The following REPS2 variants were observed in gnomAD, a reference collection of about 807,000 sequenced individuals.
REPS2 encodes RALBP1 associated Eps domain containing 2, also known as ralBP1-associated Eps domain-containing protein 2.
A neutral mutation model predicts 53.6 loss-of-function variants in REPS2; 23 were observed. The ratio of observed to expected loss-of-function variants is 0.43; its 90% CI spans 0.31 to 0.61. REPS2 has a LOEUF of 0.61. Ranked by LOEUF, REPS2 falls within the 20% of genes least tolerant of loss-of-function variation. The pLI, the probability that REPS2 is intolerant of heterozygous loss-of-function variation, is 0.11. For synonymous variants in REPS2, 238 were observed against 218.6 expected (o/e 1.09, Z -0.78); for missense variants, 446 against 534.9 (o/e 0.83, Z 1.64).
chrX:17,006,792 C>A (rs981061345), intron 2 of REPS2, among the ~76,000 whole-genome samples: 1 of 111,754 alleles, frequency 8.9e-6, no homozygotes, highest in Non-Finnish European at 1.9e-5. Flanking sequence ...AAGCACTGTT[C>A]TGATGCTAGT....
At chrX:17,046,617 A>C (rs989244561) in intron 5 of REPS2, among the ~76,000 whole-genome samples, 4 of 112,049 alleles carry the variant, frequency 3.6e-5, no homozygotes, top group African/African-American at 1.3e-4. Flanking sequence ...TCGTCTGCCA[A>C]TGCCTACCAT....
intron 16 of REPS2, chrX:17,135,666 T>C (rs897302700): frequency 3.8e-5 from 11 of 288,412 alleles, no homozygotes; most frequent in Non-Finnish European, 6.6e-5. Flanking sequence ...TCCCTTCCTC[T>C]CACCTTCTGT....
Position 17,114,986 on chromosome X carries a change from C to G in REPS2, c.1578+11207C>G, listed in dbSNP as rs556413084. Among the ~76,000 whole-genome samples the G allele has an allele frequency of 2.1e-4, 23 of 111,637 alleles. No individual in the cohort carries two copies. The South Asian group carries it at 8.3e-3, about 40-fold the overall frequency. The stretch of plus-strand genomic sequence containing the variant: ...CAGCTTTGTCTTTCCTCTGGGATTG[C>G]TTTTAAAAGTTTATTTTTACTTTCT... On this transcript the variant is annotated intron_variant, in intron 14 of 17. Transcript: ENST00000357277.
chrX:17,145,897 C>A (rs781577532), intron 17 of REPS2, among the ~76,000 whole-genome samples: 5 of 111,393 alleles, frequency 4.5e-5, no homozygotes, highest in Non-Finnish European at 9.4e-5. Context: ...ATCACGAGGT[C>A]AGGAGATCGA....
intron 1 of REPS2, among the ~76,000 whole-genome samples, chrX:16,988,741 G>A (rs1302536004): frequency 1.8e-5 from 2 of 111,506 alleles, no homozygotes; most frequent in Non-Finnish European, 3.8e-5. Context: ...AAATACTTGG[G>A]TATAAATCTA....
chrX:17,082,858 A>G (rs1456255686), intron 13 of REPS2, among the ~76,000 whole-genome samples: 2 of 111,763 alleles, frequency 1.8e-5, no homozygotes, highest in Non-Finnish European at 3.8e-5. Flanking sequence ...GCCTATTTGT[A>G]TCTTTTTAAT....
intron 1 of REPS2, among the ~76,000 whole-genome samples, chrX:16,956,099 C>T (rs191285798): frequency 9.0e-6 from 1 of 110,762 alleles, no homozygotes; most frequent in East Asian, 2.8e-4. Flanking sequence ...ATGCAAATGC[C>T]CTGCCTGGCT....
chrX:17,113,139 A>G (rs2062998715), intron 14 of REPS2, among the ~76,000 whole-genome samples: 1 of 90,027 alleles, frequency 1.1e-5, no homozygotes, highest in Non-Finnish European at 2.2e-5. Flanking sequence ...AAAAGAGCAC[A>G]CTAGATCCAA....
chrX:17,086,360 C>T (rs2062536162), intron 13 of REPS2, among the ~76,000 whole-genome samples: 1 of 112,255 alleles, frequency 8.9e-6, no homozygotes, highest in South Asian at 3.7e-4. Context: ...TTGGCCTGAT[C>T]CATGTGTTAT....
intron 1 of REPS2, 137 bp from the exon 2 acceptor site, chrX:17,006,084 A>C (rs2061359443): frequency 1.8e-6 from 1 of 563,147 alleles, no homozygotes; most frequent in Non-Finnish European, 2.8e-6. Flanking sequence ...GAAATTGACC[A>C]GTGGGCACAC....
intron 2 of REPS2, among the ~76,000 whole-genome samples, chrX:17,021,265 A>C (rs1247422887): frequency 8.9e-6 from 1 of 112,514 alleles, no homozygotes; most frequent in Non-Finnish European, 1.9e-5. Context: ...GAGAACTAGA[A>C]GTGTGCCAAA....
chrX:16,986,229 A>G (rs957082078), intron 1 of REPS2, among the ~76,000 whole-genome samples: 4 of 111,236 alleles, frequency 3.6e-5, no homozygotes, highest in African/African-American at 9.8e-5. Context: ...GTGTGTTTTT[A>G]TCTGTGCATC....
chrX:16,966,107 AGGGAGAGGGAGACCGTG>A (rs2060764028), intron 1 of REPS2, among the ~76,000 whole-genome samples: 1 of 112,090 alleles, frequency 8.9e-6, no homozygotes, highest in African/African-American at 3.2e-5. Context: ...GTGGAAAGAG[AGGGAGAGGGAGACCGTG>A]GGGAGAGGGA....
chrX:17,062,397 T>C, intron 8 of REPS2, 41 bp from the exon 9 acceptor site: 1 of 970,028 alleles, frequency 1.0e-6, no homozygotes, highest in African/African-American at 1.9e-5. Context: ...TTACTATGGC[T>C]ATAGGAAATA....
intron 5 of REPS2, among the ~76,000 whole-genome samples, chrX:17,046,579 C>T (rs188515345): frequency 3.3e-3 from 371 of 112,085 alleles, no homozygotes; most frequent in Non-Finnish European, 6.1e-3. Flanking sequence ...CAAAGGCCCA[C>T]GCCTCCCCCT....
In REPS2 at chrX:17,152,929, A is replaced by G. The variant is rs1199453010; in HGVS notation, c.*5448A>G. The stretch of plus-strand genomic sequence containing the variant: ...ATTTTAACCTTGAAAGTAAAAATGT[A>G]TATTTTTTCACTACAAGTACATTGA... On this transcript the variant is annotated 3_prime_UTR_variant, in exon 18 of 18. Transcript: ENST00000357277. 3 of 112,806 alleles carry G rather than the reference A, an allele frequency of 2.7e-5. No individual in the cohort carries two copies. Among genetic ancestry groups the G allele is most frequent in the African/African-American group, 9.7e-5 (3 of 30,996 alleles). 9.3% of individuals were successfully genotyped at this position (112,806 alleles called of 1,213,427 possible).
downstream of REPS2, among the ~76,000 whole-genome samples, chrX:17,155,257 G>A (rs753322917): frequency 9.0e-6 from 1 of 111,477 alleles, no homozygotes; most frequent in Non-Finnish European, 1.9e-5. Flanking sequence ...ATCACATGGT[G>A]AGGGAGCTGA....
At chrX:17,119,795 T>C (rs2063114925) in intron 14 of REPS2, among the ~76,000 whole-genome samples, 1 of 110,719 alleles carries the variant, frequency 9.0e-6, no homozygotes, top group Non-Finnish European at 1.9e-5. Flanking sequence ...GGGGCTCAGT[T>C]ATGGTGGTTT....
At chrX:17,053,701 C>T (rs768319190) in intron 7 of REPS2, among the ~76,000 whole-genome samples, 1 of 111,854 alleles carries the variant, frequency 8.9e-6, no homozygotes, top group East Asian at 2.8e-4. Flanking sequence ...AAAAGAATAC[C>T]ATTTGTTTTG....
Sources: allele counts gnomAD v4.1 joint callset (sites outside exome capture counted in the v4.1 genomes callset), GRCh38; gene constraint gnomAD v4.1.1; transcripts MANE v1.5; gene names NCBI Gene and HGNC (gene_info 2026-07-23, HGNC 2026-07-21).